The following SVIL variants were observed in gnomAD, a reference collection of about 807,000 sequenced individuals.
The protein encoded by SVIL is supervillin, also known as archvillin.
Under a neutral mutation model 240.4 loss-of-function variants are expected in SVIL, and 101 were observed. The observed-to-expected ratio is 0.42, with a 90% CI of 0.36 to 0.50. SVIL has a LOEUF of 0.50. Among genes scored for constraint, SVIL ranks in the 20% least tolerant of loss-of-function variants. The probability of loss-of-function intolerance (pLI) is 0.01; values close to 1 mark genes in which losing one functional copy is unlikely to be tolerated. For synonymous variants in SVIL, 999 were observed against 1,100.0 expected (o/e 0.91, Z 1.82); for missense variants, 2,512 against 2,818.7 (o/e 0.89, Z 2.46).
rs771492169 is a variant in SVIL, at chr10:29,490,944, C to T, written c.4095G>A (p.Leu1365=). 6.3e-5 allele frequency: 102 copies of T among 1,613,866 alleles called. No individual in the cohort carries two copies. The highest frequency in any genetic ancestry group is 1.3e-4 in the Admixed American group (8 of 60,002). The part of the protein sequence containing the change: ...KRRVQASKNP[L]KMLAAREDLL... ...GATCTTCTCTTGCCGCCAGCATTTT[C>T]AGGGGGTTTTTGGAGGCCTGAACCC... The change falls in exon 22 of 38, where the codon CTG becomes CTA. Residue 1365 remains leucine, a synonymous_variant. Coordinates refer to ENST00000355867, the MANE Select transcript of SVIL (RefSeq NM_021738.3).
chr10:29,535,287 G>A lies in SVIL; in HGVS notation c.908+702C>T, dbSNP rs1400981842. ...TGTTGGAGGTTTTCATACTTAAAAC[G>A]TTTGTTAATCAAAAGGAGACTGAAG... On this transcript the variant is annotated intron_variant, in intron 7 of 37. Coordinates refer to ENST00000355867, the MANE Select transcript of SVIL (RefSeq NM_021738.3). Among the ~76,000 whole-genome samples, 3 of 152,124 alleles carry A rather than the reference G, an allele frequency of 2.0e-5. No homozygotes were observed. In the East Asian group the frequency reaches 5.8e-4, roughly 29 times the overall value.
rs772549316 is a variant in SVIL, at chr10:29,458,343, T to C, written c.6559-10A>G. 1.3e-5 allele frequency: 21 copies of C among 1,613,940 alleles called. No individual in the cohort carries two copies. The highest frequency in any genetic ancestry group is 4.4e-5 in the South Asian group (4 of 91,072). ...TCATGTCTAGTGCAAACTGGAAACA[T>C]TGGGAGAAGCGCCCCGCGGCTCAGT... is the stretch of plus-strand genomic sequence containing the variant. On this transcript the variant is annotated splice_polypyrimidine_tract_variant and intron_variant, in intron 37 of 37. Transcript: ENST00000355867.
At chr10:29,731,464 C>T (rs1176251815) in intron 1 of SVIL, among the ~76,000 whole-genome samples, 2 of 152,308 alleles carry the variant, frequency 1.3e-5, no homozygotes, top group South Asian at 4.1e-4. Flanking sequence ...TCTGGAGACA[C>T]ATTGTAACTT....
intron 6 of SVIL, among the ~76,000 whole-genome samples, chr10:29,548,586 G>A (rs576977919): frequency 6.6e-6 from 1 of 152,238 alleles, no homozygotes; most frequent in East Asian, 1.9e-4. Context: ...TTACACAGTG[G>A]TTTTCTAATG....
intron 2 of SVIL, among the ~76,000 whole-genome samples, chr10:29,671,723 TATC>T (rs1346310850): frequency 9.9e-5 from 15 of 152,228 alleles, no homozygotes; most frequent in Admixed American, 9.8e-4. Context: ...GCTCCAGACA[TATC>T]ATCTCTATTC....
At chr10:29,616,914 G>A (rs894542762) in intron 1 of SVIL, among the ~76,000 whole-genome samples, 2 of 152,226 alleles carry the variant, frequency 1.3e-5, no homozygotes, top group South Asian at 4.1e-4. Context: ...GTAGAGACAG[G>A]GTTTCGCCAT....
intron 1 of SVIL, among the ~76,000 whole-genome samples, chr10:29,714,193 G>C (rs983581207): frequency 6.6e-6 from 1 of 152,114 alleles, no homozygotes; most frequent in Non-Finnish European, 1.5e-5. Flanking sequence ...CATTTCAGAG[G>C]GCCATTCCTT....
intron 3 of SVIL, among the ~76,000 whole-genome samples, chr10:29,650,973 CAG>C (rs1432636227): frequency 2.6e-5 from 4 of 152,148 alleles, no homozygotes; most frequent in South Asian, 4.1e-4. Flanking sequence ...TGATTTCAAA[CAG>C]AGATTTCTTT....
intron 1 of SVIL, among the ~76,000 whole-genome samples, chr10:29,614,635 GA>G (rs1443168042): frequency 2.6e-5 from 4 of 152,118 alleles, no homozygotes; most frequent in Non-Finnish European, 5.9e-5. Flanking sequence ...CACAGGGAGG[GA>G]AACATCATAC....
In SVIL at chr10:29,522,556, C is replaced by A. The variant is rs752436397; in HGVS notation, c.3243G>T (p.Val1081=). Residue 1081 remains valine (V), a synonymous_variant, in exon 16 of 38, where the codon GTG becomes GTT. Transcript: ENST00000355867. ...CCGAAGAATCCTGGGGCTTCCAGGA[C>A]ACGGGGGCTGTGGTTTGAGCAATAG... The part of the protein sequence containing the change: ...GKTIAQTTAP[V]SWKPQDSSEQ... The A allele has an allele frequency of 6.8e-6, 11 of 1,614,178 alleles. No homozygotes were observed. The highest frequency in any genetic ancestry group is 8.5e-6 in the Non-Finnish European group (10 of 1,180,034).
intron 3 of SVIL, among the ~76,000 whole-genome samples, chr10:29,555,341 CACATGG>C (rs747283346): frequency 1.1e-5 from 1 of 94,592 alleles, no homozygotes; most frequent in Admixed American, 1.4e-4. Context: ...CACACACACA[CACATGG>C]ACACACCCTA....
intron 3 of SVIL, among the ~76,000 whole-genome samples, chr10:29,559,988 T>G (rs1954305344): frequency 6.6e-6 from 1 of 152,220 alleles, no homozygotes; most frequent in Admixed American, 6.6e-5. Context: ...GGTTTCTGGT[T>G]AAGACATTGT....
At position 29,494,996 on chromosome 10, in the gene SVIL, G is replaced by A. The variant is rs1245480813; in HGVS notation, c.3759C>T (p.Ile1253=). The A allele has an allele frequency of 1.1e-5, 18 of 1,613,424 alleles. No individual in the cohort carries two copies. Among genetic ancestry groups the A allele is most frequent in the African/African-American group, 4.0e-5 (3 of 74,564 alleles). ...TTPVSKPLED[I]EARPDMQLES... is the part of the protein sequence containing the mutation. ...CTAACTGCATATCTGGTCTGGCTTC[G>A]ATATCTAGGCAAGCAGAAACCGTCA... The change falls in exon 20 of 38, where the codon ATC becomes ATT. Residue 1253 remains isoleucine, a synonymous_variant. Coordinates refer to ENST00000355867, the MANE Select transcript of SVIL (RefSeq NM_021738.3).
chr10:29,544,409 G>C (rs1430686135), intron 6 of SVIL, among the ~76,000 whole-genome samples: 1 of 152,136 alleles, frequency 6.6e-6, no homozygotes, highest in Non-Finnish European at 1.5e-5. Context: ...TTTTTAGCTA[G>C]TGTACATAGT....
chr10:29,607,454 G>T (rs1298452176), intron 1 of SVIL, among the ~76,000 whole-genome samples: 1 of 151,986 alleles, frequency 6.6e-6, no homozygotes, highest in Non-Finnish European at 1.5e-5. Flanking sequence ...AACTTAGGAA[G>T]AATTGATATA....
rs139711576 is a variant in SVIL at position 29,487,117 on chromosome 10, G to A, written c.4485+46C>T. ...GTCAGGAAGAACACTCCTCCGGTGCGTAAAGGAGATGTTAGCTAAAGCATT... is the reference window on the plus strand; with the variant it reads ...GTCAGGAAGAACACTCCTCCGGTGCATAAAGGAGATGTTAGCTAAAGCATT... On this transcript the variant is annotated intron_variant, in intron 24 of 37. Transcript: ENST00000355867. The A allele has an allele frequency of 2.7e-3, 4,290 of 1,604,742 alleles. 39 individuals carry two copies. The highest frequency in any genetic ancestry group is 0.017 in the African/African-American group (1,261 of 74,874).
chr10:29,570,988 A>T (rs1203716764), intron 1 of SVIL, among the ~76,000 whole-genome samples: 1 of 152,200 alleles, frequency 6.6e-6, no homozygotes, highest in Non-Finnish European at 1.5e-5. Context: ...AGAGAATTTG[A>T]AAGCTCCCAA....
chr10:29,492,524 C>G (rs1034071092), intron 21 of SVIL, among the ~76,000 whole-genome samples: 2 of 151,972 alleles, frequency 1.3e-5, no homozygotes, highest in Admixed American at 6.6e-5. Context: ...AGTGGCTGAG[C>G]CGGCAAACCC....
At chr10:29,718,470 A>C (rs748487157) in intron 1 of SVIL, among the ~76,000 whole-genome samples, 1 of 152,198 alleles carries the variant, frequency 6.6e-6, no homozygotes. Context: ...CAGAGCATTG[A>C]CAGCATCTAA....
Sources: allele counts gnomAD v4.1 joint callset (sites outside exome capture counted in the v4.1 genomes callset), GRCh38; gene constraint gnomAD v4.1.1; transcripts MANE v1.5; gene names NCBI Gene and HGNC (gene_info 2026-07-23, HGNC 2026-07-21).